Variants in ANK2 observed in about 807,000 individuals in gnomAD.
ANK2 encodes ankyrin 2, also known as ankyrin-2.
ANK2 carries 83 observed loss-of-function variants against 360.5 expected under a neutral mutation model. That is an observed-to-expected ratio of 0.23 (90% CI 0.19 to 0.28). ANK2 has a LOEUF of 0.28. Ranked by LOEUF, ANK2 falls within the 10% of genes least tolerant of loss-of-function variation. The pLI is 1.00. For missense variants in ANK2, 4,201 were observed against 4,795.7 expected (o/e 0.88, Z 3.66); for synonymous variants, 1,740 against 1,759.5 (o/e 0.99, Z 0.28).
the ANK2 span, among the ~76,000 whole-genome samples, chr4:112,811,412 G>T: frequency 6.6e-6 from 1 of 152,014 alleles, no homozygotes; most frequent in Non-Finnish European, 1.5e-5. Flanking sequence ...GTGTTTCATG[G>T]GTGATGCTGT....
At chr4:113,196,523 G>A (rs1266645331) in intron 3 of ANK2, 57 bp downstream of exon 3, 28 of 1,417,402 alleles carry the variant, frequency 2.0e-5, no homozygotes, top group South Asian at 1.3e-4. Flanking sequence ...ATAATTTAAA[G>A]CTTTTCATTT....
chr4:113,061,296 T>TA (rs2073230059), intron 1 of ANK2, among the ~76,000 whole-genome samples: 1 of 152,108 alleles, frequency 6.6e-6, no homozygotes, highest in Admixed American at 6.6e-5. Context: ...CTTGATCAGA[T>TA]AAAAAATTAC....
the ANK2 span, among the ~76,000 whole-genome samples, chr4:112,785,930 C>T: frequency 4.6e-5 from 7 of 151,446 alleles, no homozygotes; most frequent in East Asian, 7.9e-4. Context: ...AGCCTCTGCC[C>T]GCTGGGTTCC....
chr4:112,965,842 G>T (rs1268227007), intron 2 of ANK2, among the ~76,000 whole-genome samples: 1 of 151,744 alleles, frequency 6.6e-6, no homozygotes, highest in Non-Finnish European at 1.5e-5. Flanking sequence ...ATTCTGATTG[G>T]TTATAATATT....
intron 10 of ANK2, among the ~76,000 whole-genome samples, chr4:113,251,546 G>A (rs887076494): frequency 2.2e-5 from 3 of 136,298 alleles, no homozygotes; most frequent in Non-Finnish European, 4.5e-5. Flanking sequence ...GCAGTGGCAC[G>A]ATCTCGGCTC....
intron 1 of ANK2, among the ~76,000 whole-genome samples, chr4:113,107,678 C>A (rs1316020713): frequency 6.6e-6 from 1 of 152,124 alleles, no homozygotes; most frequent in African/African-American, 2.4e-5. Flanking sequence ...TGTAAATCTA[C>A]TTTATTATCT....
intron 33 of ANK2, 41 bp downstream of exon 33, chr4:113,341,957 G>T: frequency 1.4e-6 from 2 of 1,420,366 alleles, no homozygotes; most frequent in Middle Eastern, 1.8e-4. Context: ...ATGCCATGTT[G>T]TTATACCTGC....
intron 2 of ANK2, among the ~76,000 whole-genome samples, chr4:112,935,003 A>G (rs1027826150): frequency 6.6e-6 from 1 of 152,194 alleles, no homozygotes; most frequent in African/African-American, 2.4e-5. Flanking sequence ...TTTAGGGAAC[A>G]ATGGGGGACA....
Position 113,343,045 on chromosome 4 carries a change from A to G in ANK2, c.4151A>G (p.Asp1384Gly). The change falls in exon 34 of 46, where the codon GAT becomes GGT. Residue 1384 changes from aspartate to glycine, a missense_variant. Asp to Gly is a moderately conservative substitution (Grantham distance 94). This residue lies in a region of ANK2 where 1,268 missense variants were observed against 1,650.8 expected (regional missense o/e 0.77). Coordinates refer to ENST00000357077, the MANE Select transcript of ANK2 (RefSeq NM_001148.6). ...EVLEGKPIYVDCFGNLVPLTK... is the reference protein window; with the variant it reads ...EVLEGKPIYVGCFGNLVPLTK... ...TTAGAAGGAAAACCCATCTACGTTGATTGTTTCGGCAACTTGGTACCATTA... is the reference window on the plus strand; with the variant it reads ...TTAGAAGGAAAACCCATCTACGTTGGTTGTTTCGGCAACTTGGTACCATTA... 6.2e-7 allele frequency: 1 copy of G among 1,613,984 alleles called. No homozygotes were observed. The highest frequency in any genetic ancestry group is 8.5e-7 in the Non-Finnish European group (1 of 1,179,928).
chr4:113,339,380 C>A, intron 32 of ANK2, 58 bp downstream of exon 32: 2 of 1,369,672 alleles, frequency 1.5e-6, no homozygotes, highest in Admixed American at 1.7e-5. Context: ...AAAAAAACTG[C>A]CCTTTGTTTT....
chr4:113,046,649 T>C (rs1201181066), upstream of ANK2, among the ~76,000 whole-genome samples: 2 of 152,110 alleles, frequency 1.3e-5, no homozygotes, highest in Admixed American at 1.3e-4. Flanking sequence ...GCCTTGATCT[T>C]GGAACTTCCC....
intron 2 of ANK2, among the ~76,000 whole-genome samples, chr4:112,947,829 A>G (rs2094643788): frequency 6.6e-6 from 1 of 152,248 alleles, no homozygotes; most frequent in Admixed American, 6.5e-5. Context: ...AATGATTACT[A>G]TTATTACTAC....
chr4:113,128,313 G>A (rs749969593), intron 1 of ANK2, among the ~76,000 whole-genome samples: 15 of 152,122 alleles, frequency 9.9e-5, no homozygotes, highest in Non-Finnish European at 1.9e-4. Context: ...ACACGTATAC[G>A]AAACAGAGTA....
chr4:112,827,909 A>G (rs1039430469), intron 1 of ANK2, among the ~76,000 whole-genome samples: 5 of 152,234 alleles, frequency 3.3e-5, no homozygotes, highest in African/African-American at 1.2e-4. Flanking sequence ...GAATAAACAA[A>G]GCAATCCTAA....
intron 29 of ANK2, among the ~76,000 whole-genome samples, 154 bp from the exon 30 acceptor site, chr4:113,335,692 G>A (rs1349261200): frequency 6.6e-6 from 1 of 152,176 alleles, no homozygotes; most frequent in Non-Finnish European, 1.5e-5. Flanking sequence ...GTGTTGTTAG[G>A]ATAGCCTTGC....
the ANK2 span, among the ~76,000 whole-genome samples, chr4:112,801,393 TCCTA>T: frequency 6.6e-6 from 1 of 152,184 alleles, no homozygotes; most frequent in Non-Finnish European, 1.5e-5. Flanking sequence ...TTTATTGAGA[TCCTA>T]CCATGTCCTT....
intron 1 of ANK2, among the ~76,000 whole-genome samples, chr4:113,135,841 A>T (rs1287146870): frequency 6.6e-6 from 1 of 152,200 alleles, no homozygotes; most frequent in Non-Finnish European, 1.5e-5. Context: ...AAATATAATT[A>T]TACAAGAACT....
At chr4:113,311,526 C>A in intron 24 of ANK2, 127 bp downstream of exon 24, 1 of 1,251,400 alleles carries the variant, frequency 8.0e-7, no homozygotes, top group South Asian at 1.3e-5. Context: ...CAGCAGTTAG[C>A]ATGTTATGTT....
intron 20 of ANK2, among the ~76,000 whole-genome samples, chr4:113,291,062 T>C (rs2067283451): frequency 6.6e-6 from 1 of 152,220 alleles, no homozygotes. Flanking sequence ...TTTACATATA[T>C]TTATAGATAA....
Sources: gnomAD v4.1 joint callset for allele counts (sites outside exome capture counted in the v4.1 genomes callset) on GRCh38, gnomAD v4.1.1 for gene constraint, gnomAD v4.1.1 regional missense constraint, MANE v1.5 for transcripts, NCBI Gene and HGNC (gene_info 2026-07-23, HGNC 2026-07-21) for gene names.